KDM8: variants seen among roughly 807,000 people sequenced by gnomAD.
KDM8 encodes the protein lysine demethylase 8.
KDM8 carries 35 observed loss-of-function variants against 46.9 expected under a neutral mutation model. The observed-to-expected ratio is 0.75, with a 90% CI of 0.57 to 0.99. The LOEUF (loss-of-function observed/expected upper bound fraction) is 0.99. Ranked by LOEUF, KDM8 falls within the 50% of genes least tolerant of loss-of-function variation. KDM8 has a pLI of 0.00. For missense variants in KDM8, 475 were observed against 537.0 expected, an observed-to-expected ratio of 0.88 and a Z score of 1.14; for synonymous variants, 232 against 227.7, an observed-to-expected ratio of 1.02 and a Z score of -0.17.
intron 2 of KDM8, 99 bp from the exon 3 acceptor site, chr16:27,213,486 G>A (rs1221640363): frequency 8.1e-7 from 1 of 1,233,916 alleles, no homozygotes; most frequent in Non-Finnish European, 1.2e-6. Flanking sequence ...ACTCTTGACA[G>A]CTAAGCTCTC....
intron 4 of KDM8, 89 bp from the exon 5 acceptor site, chr16:27,215,856 T>C: frequency 7.3e-7 from 1 of 1,371,134 alleles, no homozygotes; most frequent in Non-Finnish European, 1.0e-6. Flanking sequence ...GTGCTGCAGC[T>C]GGGGCCAGCT....
intron 2 of KDM8, chr16:27,213,220 TG>T (rs2083504616): frequency 2.8e-5 from 1 of 35,720 alleles, no homozygotes; most frequent in Non-Finnish European, 6.6e-5. Context: ...ATATTTTGCG[TG>T]TGTGTGTGTG....
intron 1 of KDM8, chr16:27,206,272 CTT>C (rs112161125): frequency 2.4e-3 from 1,772 of 753,324 alleles, no homozygotes; most frequent in Middle Eastern, 3.5e-3. Flanking sequence ...TGTGCGTGTG[CTT>C]TTTTTTTTTT....
intron 1 of KDM8, chr16:27,204,306 C>T (rs1382532295): frequency 3.6e-6 from 5 of 1,377,514 alleles, no homozygotes; most frequent in South Asian, 3.3e-5. Context: ...CAGGAGGACT[C>T]GGGAGCAAGC....
Position 27,210,568 on chromosome 16 carries a change from C to G in KDM8, c.445C>G (p.Leu149Val). 4 of 1,521,192 alleles carry G rather than the reference C, an allele frequency of 2.6e-6. No individual in the cohort carries two copies. The South Asian group carries it at 5.3e-5, about 20-fold the overall frequency. The allele number at this position is 1,521,192 out of a possible 1,614,324, so 94.2% of individuals were successfully genotyped here. A position where few individuals can be genotyped will look rare whatever the true frequency, so the allele number is the denominator to read the frequency against. ...LKVAAILQTHLPGKRPARGSL... is the reference protein window; with the variant it reads ...LKVAAILQTHVPGKRPARGSL... ...AGTCGCTGCCATCCTCCAGACACACCTCCCTGGAAAGAGGCCTGCCCGTGG... is the reference window on the plus strand; with the variant it reads ...AGTCGCTGCCATCCTCCAGACACACGTCCCTGGAAAGAGGCCTGCCCGTGG... Residue 149 changes from leucine (L) to valine (V), a missense_variant, in exon 2 of 8, where the codon CTC becomes GTC. Physicochemically the swap from Leu to Val is conservative, Grantham distance 32. Transcript: ENST00000286096.
chr16:27,203,882 C>T (rs941862807), intron 1 of KDM8: 11 of 467,700 alleles, frequency 2.4e-5, no homozygotes, highest in African/African-American at 2.0e-4. Flanking sequence ...ATGCTCGTCT[C>T]TTGGCAGTGG....
chr16:27,219,235 G>A, intron 6 of KDM8, 125 bp downstream of exon 6: 2 of 1,087,008 alleles, frequency 1.8e-6, no homozygotes, highest in Non-Finnish European at 2.6e-6. Context: ...AGGGGATGAG[G>A]ACAAAAATAT....
intron 1 of KDM8, chr16:27,204,434 G>C: frequency 1.8e-6 from 2 of 1,112,662 alleles, no homozygotes; most frequent in Non-Finnish European, 2.3e-6. Flanking sequence ...TCTGGAAAAT[G>C]TTCCAAACTT....
chr16:27,215,914 G>A (rs1273387144), intron 4 of KDM8, 31 bp from the exon 5 acceptor site: 4 of 1,613,604 alleles, frequency 2.5e-6, no homozygotes, highest in Non-Finnish European at 2.5e-6. Flanking sequence ...TGGGCTTTCT[G>A]TGTTGCCTCT....
intron 2 of KDM8, chr16:27,211,324 T>C: frequency 2.5e-6 from 1 of 403,978 alleles, no homozygotes; most frequent in South Asian, 1.8e-5. Flanking sequence ...CCTGTCTCTC[T>C]GCTCCTGGGT....
chr16:27,206,148 A>G (rs1567260624), intron 1 of KDM8: 1 of 819,674 alleles, frequency 1.2e-6, no homozygotes, highest in East Asian at 1.2e-4. Flanking sequence ...CTGTGGCACC[A>G]CTCTCAAAGA....
chr16:27,213,842 T>G, intron 3 of KDM8, 91 bp downstream of exon 3: 1 of 1,331,100 alleles, frequency 7.5e-7, no homozygotes, highest in East Asian at 2.5e-5. Context: ...CCCAGGGAAA[T>G]GCAACCTTGT....
Position 27,214,847 on chromosome 16 carries a change from G to C in KDM8, c.666-29G>C, listed in dbSNP as rs374306116. ...ACTATGCCCAACAGATATTAGCAGT[G>C]ACGATGCCAATGTGTGTCTTTCTGC... On this transcript the variant is annotated intron_variant, in intron 3 of 7. Transcript: ENST00000286096. 3 of 1,613,302 alleles carry C rather than the reference G, an allele frequency of 1.9e-6. No individual in the cohort carries two copies. In the African/African-American group the frequency reaches 4.0e-5, roughly 22 times the overall value.
chr16:27,212,394 C>G (rs778833969), intron 2 of KDM8, among the ~76,000 whole-genome samples: 9 of 152,272 alleles, frequency 5.9e-5, no homozygotes, highest in Non-Finnish European at 1.0e-4. Flanking sequence ...TTTTTACAGA[C>G]AGGGTCTTGC....
At chr16:27,216,855 C>T (rs1469429738) in intron 5 of KDM8, among the ~76,000 whole-genome samples, 2 of 152,052 alleles carry the variant, frequency 1.3e-5, no homozygotes, top group African/African-American at 4.8e-5. Context: ...CCACCTTTCT[C>T]CTGACCCTGG....
chr16:27,205,579 C>G (rs1056481998), intron 1 of KDM8, among the ~76,000 whole-genome samples: 3 of 152,184 alleles, frequency 2.0e-5, no homozygotes, highest in African/African-American at 7.2e-5. Flanking sequence ...TGGCGGCTCA[C>G]ACCTGTAATC....
intron 1 of KDM8, among the ~76,000 whole-genome samples, chr16:27,207,281 G>A (rs112644548): frequency 0.095 from 14,495 of 152,216 alleles, 933 homozygotes; most frequent in Middle Eastern, 0.17. Flanking sequence ...GATGGCATGC[G>A]TGCCTGTGGT....
chr16:27,211,452 G>A, intron 2 of KDM8: 2 of 283,210 alleles, frequency 7.1e-6, no homozygotes, highest in South Asian at 6.8e-5. Context: ...TTACTCTGAA[G>A]GCTTCAGGTC....
intron 1 of KDM8, among the ~76,000 whole-genome samples, chr16:27,207,811 T>G (rs575032955): frequency 6.6e-6 from 1 of 152,284 alleles, no homozygotes; most frequent in Non-Finnish European, 1.5e-5. Flanking sequence ...TCTCGAATTC[T>G]TGGGCTCAAG....
Sources: gnomAD v4.1 joint callset for allele counts (sites outside exome capture counted in the v4.1 genomes callset) on GRCh38, gnomAD v4.1.1 for gene constraint, MANE v1.5 for transcripts, NCBI Gene and HGNC (gene_info 2026-07-23, HGNC 2026-07-21) for gene names.